Variants in EIF4G1 observed in about 807,000 individuals in gnomAD.
The protein encoded by EIF4G1 is eukaryotic translation initiation factor 4 gamma 1.
Under a neutral mutation model 187.8 loss-of-function variants are expected in EIF4G1, and 4 were observed. That is an observed-to-expected ratio of 0.02 (90% confidence interval 0.01 to 0.05). EIF4G1 has a LOEUF of 0.05. EIF4G1 is among the 10% of genes least tolerant of loss of function. The probability of loss-of-function intolerance (pLI) is 1.00; values close to 1 mark genes in which losing one functional copy is unlikely to be tolerated. For synonymous variants in EIF4G1, 844 were observed against 781.4 expected (o/e 1.08, Z -1.34); for missense variants, 1,647 against 2,081.1 (o/e 0.79, Z 4.06).
At chr3:184,327,503 TG>T in intron 24 of EIF4G1, 55 bp downstream of exon 24, 1 of 1,612,828 alleles carries the variant, frequency 6.2e-7, no homozygotes, top group Non-Finnish European at 8.5e-7. Context: ...TGGGACTAGC[TG>T]GTCCCCAGCT....
rs1331893261 is a variant in EIF4G1 at position 184,330,536 on chromosome 3, C to T, written c.4162-730C>T. Among the ~76,000 whole-genome samples, 5 of 152,032 alleles carry T rather than the reference C, an allele frequency of 3.3e-5. No homozygotes were observed. In the East Asian group the frequency reaches 9.6e-4, roughly 29 times the overall value. ...GAGTGATGTCTTCATAGTCTATTGCCCCTTACAGAAAATGCACTCAGACTG... is the reference window on the plus strand; with the variant it reads ...GAGTGATGTCTTCATAGTCTATTGCTCCTTACAGAAAATGCACTCAGACTG... On this transcript the variant is annotated intron_variant, in intron 28 of 32. Coordinates refer to ENST00000346169, the MANE Select transcript of EIF4G1 (RefSeq NM_198241.3).
chr3:184,317,847 C>T (rs764745968), intron 6 of EIF4G1, 31 bp downstream of exon 6: 3 of 1,525,112 alleles, frequency 2.0e-6, no homozygotes, highest in Non-Finnish European at 2.7e-6. Context: ...GAGGTGAGAA[C>T]AAGCCCAAGG....
At chr3:184,319,286 T>A in intron 6 of EIF4G1, 1 of 214,778 alleles carries the variant, frequency 4.7e-6, no homozygotes, top group Non-Finnish European at 9.6e-6. Flanking sequence ...AAGACCTGGT[T>A]CTGTTTCAGG....
chr3:184,321,355 C>G lies in EIF4G1; in HGVS notation c.771C>G (p.Ser257=). Reference sequence around the variant, plus strand: ...GCCCAGAGCATAGCCCTTCAGAATCCCAGCCTTCGTCGCCTTCTCCGACCC... The same window carrying G: ...GCCCAGAGCATAGCCCTTCAGAATCGCAGCCTTCGTCGCCTTCTCCGACCC... ...LPGPEHSPSE[S]QPSSPSPTPS... The change falls in exon 10 of 33, where the codon TCC becomes TCG. Residue 257 remains serine, a synonymous_variant. Transcript: ENST00000346169. 1 of 1,614,128 alleles carries G rather than the reference C, an allele frequency of 6.2e-7. No individual in the cohort carries two copies. The highest frequency in any genetic ancestry group is 8.5e-7 in the Non-Finnish European group (1 of 1,180,028).
intron 28 of EIF4G1, among the ~76,000 whole-genome samples, chr3:184,330,158 C>T (rs940275972): frequency 1.3e-5 from 2 of 152,122 alleles, no homozygotes; most frequent in African/African-American, 4.8e-5. Flanking sequence ...GGGTGGATCA[C>T]GTGAGGTCAG....
At chr3:184,322,763 G>C in intron 12 of EIF4G1, 33 bp downstream of exon 12, 1 of 1,614,206 alleles carries the variant, frequency 6.2e-7, no homozygotes, top group East Asian at 2.2e-5. Context: ...AATGGCTTGA[G>C]TTTTCTTATT....
chr3:184,331,473 A>G lies in EIF4G1; in HGVS notation c.4262A>G (p.Lys1421Arg). The G allele has an allele frequency of 1.2e-6, 2 of 1,614,198 alleles. No individual in the cohort carries two copies. The highest frequency in any genetic ancestry group is 1.7e-6 in the Non-Finnish European group (2 of 1,180,044). ...QDIGAFVAEQ[K>R]VEYTLGEESE... ...AACTGCGGGCCTTTTCCATTGCAGA[A>G]GGTGGAGTATACCCTGGGAGAGGAG... The change falls in exon 30 of 33, where the codon AAG becomes AGG. Residue 1421 changes from lysine to arginine, a missense_variant and splice_region_variant. By Grantham distance (26) the Lys-to-Arg change is conservative. Transcript: ENST00000346169.
rs770462801 is a variant in EIF4G1, at chr3:184,323,606, C to T, written c.2274+13C>T. On this transcript the variant is annotated intron_variant, in intron 15 of 32. Transcript: ENST00000346169. This position sits in a 1 kb window ranked among gnomAD's most constrained non-coding sequence, Gnocchi z 6.9. ...CAGCAAAACCCAGGTACTGGCAAGT[C>T]CTGCTTTTGGTCTCTCTCCATTTCT... The T allele has an allele frequency of 3.7e-6, 6 of 1,613,848 alleles. No individual in the cohort carries two copies. In the South Asian group the frequency reaches 6.6e-5, roughly 18 times the overall value.
Position 184,327,652 on chromosome 3 carries a change from A to G in EIF4G1, c.3728A>G (p.Glu1243Gly). The G allele has an allele frequency of 6.2e-7, 1 of 1,614,210 alleles. No individual in the cohort carries two copies. Among genetic ancestry groups the G allele is most frequent in the South Asian group, 1.1e-5 (1 of 91,084 alleles). The change falls in exon 25 of 33, where the codon GAG becomes GGG. Residue 1243 changes from glutamate (E) to glycine (G), a missense_variant. Around this residue, in one of 11 missense-constraint regions of EIF4G1, gnomAD observed 543 missense variants for 638.0 expected, o/e 0.85. Coordinates refer to ENST00000346169, the MANE Select transcript of EIF4G1 (RefSeq NM_198241.3). ...LKAALSEEEL[E>G]KKSKAIIEEY... ...GCGGCTCTCTCTGAGGAGGAGTTAGAGAAGAAATCCAAGGCTATCATTGAG... is the reference window on the plus strand; with the variant it reads ...GCGGCTCTCTCTGAGGAGGAGTTAGGGAAGAAATCCAAGGCTATCATTGAG...
chr3:184,319,323 A>C (rs1723363820), intron 6 of EIF4G1: 1 of 315,354 alleles, frequency 3.2e-6, no homozygotes, highest in African/African-American at 2.1e-5. Flanking sequence ...ACATGTTGAT[A>C]GCGGGTGGGG....
At chr3:184,329,211 T>A in intron 28 of EIF4G1, 1 of 588,120 alleles carries the variant, frequency 1.7e-6, no homozygotes, top group East Asian at 2.9e-5. Context: ...TCTAAGACCC[T>A]AGGCCTGTGA....
At chr3:184,327,792 G>A in intron 25 of EIF4G1, 38 bp from the exon 26 acceptor site, 1 of 1,614,052 alleles carries the variant, frequency 6.2e-7, no homozygotes, top group Non-Finnish European at 8.5e-7. Context: ...GGGTCAGACA[G>A]TGACTGGTCT....
chr3:184,321,781 A>T lies in EIF4G1; in HGVS notation c.1197A>T (p.Gln399His). 6.2e-7 allele frequency: 1 copy of T among 1,611,036 alleles called. No homozygotes were observed. Among genetic ancestry groups the T allele is most frequent in the Admixed American group, 1.7e-5 (1 of 59,950 alleles). Reference protein sequence around the residue: ...ESPVPIAPTAQPEELLNGAPS... With the variant: ...ESPVPIAPTAHPEELLNGAPS... ...CTGTGCCCATTGCTCCAACTGCCCAACCTGAGGAACTGCTCAACGGAGCCC... is the reference window on the plus strand; with the variant it reads ...CTGTGCCCATTGCTCCAACTGCCCATCCTGAGGAACTGCTCAACGGAGCCC... Residue 399 changes from glutamine (Q) to histidine (H), a missense_variant, in exon 10 of 33, where the codon CAA (glutamine) becomes CAT (histidine). Transcript: ENST00000346169.
At chr3:184,328,345 C>A in intron 26 of EIF4G1, 1 of 497,540 alleles carries the variant, frequency 2.0e-6, no homozygotes, top group Non-Finnish European at 3.6e-6. Context: ...GAGCCGAGAT[C>A]GTGCCATTGC....
chr3:184,326,089 C>T, intron 21 of EIF4G1, 138 bp downstream of exon 21: 1 of 871,764 alleles, frequency 1.1e-6, no homozygotes, highest in Non-Finnish European at 1.8e-6. Flanking sequence ...GGACTGCCAG[C>T]TGTAGAGGGA....
rs1401242999 is a variant in EIF4G1 at position 184,325,972 on chromosome 3, G to A, written c.3222+21G>A. The A allele has an allele frequency of 1.9e-6, 3 of 1,611,694 alleles. No individual in the cohort carries two copies. The highest frequency in any genetic ancestry group is 4.5e-5 in the East Asian group (2 of 44,866). ...CCAAGGTAGGGGTGTGTGTGGGAGT[G>A]GGTGATTCAGCTCAGGTTTAGATCT... On this transcript the variant is annotated intron_variant, in intron 21 of 32. Coordinates refer to ENST00000346169, the MANE Select transcript of EIF4G1 (RefSeq NM_198241.3). This position sits in a 1 kb window ranked among gnomAD's most constrained non-coding sequence, Gnocchi z 5.2.
intron 3 of EIF4G1, 26 bp downstream of exon 3, chr3:184,315,882 TG>T (rs1325802915): frequency 1.1e-5 from 14 of 1,254,274 alleles, no homozygotes; most frequent in Non-Finnish European, 1.1e-5. Context: ...TTAGCAGGGG[TG>T]GGGGTGGGGG....
At chr3:184,332,788 T>C in intron 32 of EIF4G1, among the ~76,000 whole-genome samples, 1 of 151,880 alleles carries the variant, frequency 6.6e-6, no homozygotes, top group Non-Finnish European at 1.5e-5. Context: ...AAAGAACTAT[T>C]AAAGAAAGGC....
Position 184,330,133 on chromosome 3 carries a change from T to TTGGGAGG in EIF4G1, c.4162-1132_4162-1126dup, listed in dbSNP as rs543573275. ...GGCCGGGCGTGGTAATCCCAGCACTTTGGGAGGCAGAGGTGGGTGGATCAC... is the reference window on the plus strand; with the variant it reads ...GGCCGGGCGTGGTAATCCCAGCACTTTGGGAGGTGGGAGGCAGAGGTGGGTGGATCAC... On this transcript the variant is annotated intron_variant, in intron 28 of 32. Coordinates refer to ENST00000346169, the MANE Select transcript of EIF4G1 (RefSeq NM_198241.3). Among the ~76,000 whole-genome samples the TTGGGAGG allele has an allele frequency of 1.5e-4, 23 of 152,244 alleles. No homozygotes were observed. In the South Asian group the frequency reaches 2.7e-3, roughly 18 times the overall value.
Sources: allele counts gnomAD v4.1 joint callset (sites outside exome capture counted in the v4.1 genomes callset), GRCh38; gene constraint gnomAD v4.1.1; regional missense constraint gnomAD v4.1.1; non-coding constraint Gnocchi (gnomAD v3.1); transcripts MANE v1.5; gene names NCBI Gene and HGNC (gene_info 2026-07-23, HGNC 2026-07-21).